The following FAT3 variants were observed in gnomAD, a reference collection of about 807,000 sequenced individuals.
FAT3 encodes protocadherin Fat 3.
In FAT3, 95 loss-of-function variants were observed where a neutral mutation model predicts 310.2. That is an observed-to-expected ratio of 0.31 (90% CI 0.26 to 0.36). The LOEUF (loss-of-function observed/expected upper bound fraction) is 0.36, where lower values mean the gene tolerates loss of function less well. Ranked by LOEUF, FAT3 falls within the 10% of genes least tolerant of loss-of-function variation. FAT3 has a pLI of 1.00. For synonymous variants in FAT3, 2,314 were observed against 2,192.9 expected, an observed-to-expected ratio of 1.06 and a Z score of -1.54; for missense variants, 5,408 against 5,715.6, an observed-to-expected ratio of 0.95 and a Z score of 1.74.
chr11:92,646,121 T>TGA (rs1942157194), intron 3 of FAT3, among the ~76,000 whole-genome samples: 1 of 152,294 alleles, frequency 6.6e-6, no homozygotes, highest in Middle Eastern at 3.4e-3. Flanking sequence ...AGGAATTGGA[T>TGA]GAGAATTCTT....
chr11:92,298,773 A>G (rs1946917008), intron 1 of FAT3, among the ~76,000 whole-genome samples: 3 of 152,068 alleles, frequency 2.0e-5, no homozygotes, highest in South Asian at 4.1e-4. Context: ...AAAGTTGAGT[A>G]TTTTGAACTT....
chr11:92,752,478 TCA>T (rs1221505117), intron 4 of FAT3, among the ~76,000 whole-genome samples: 2 of 152,238 alleles, frequency 1.3e-5, no homozygotes, highest in African/African-American at 2.4e-5. Context: ...GCTCTGCATC[TCA>T]CAGTGAGTAC....
intron 21 of FAT3, among the ~76,000 whole-genome samples, chr11:92,866,182 A>C (rs1186949879): frequency 6.6e-6 from 1 of 152,226 alleles, no homozygotes; most frequent in Non-Finnish European, 1.5e-5. Flanking sequence ...TGGAGCACTC[A>C]TATAAATGTA....
At position 92,540,779 on chromosome 11, in the gene FAT3, T is replaced by TGTTTTG. The variant is rs199555315; in HGVS notation, c.3607+15831_3607+15832insGTTTTG. On this transcript the variant is annotated intron_variant, in intron 3 of 27. Coordinates refer to ENST00000525166, the MANE Select transcript of FAT3 (RefSeq NM_001367949.2). ...TGTTTTGTTTTGTTTTGTTTTGTTT[T>TGTTTTG]TTTTGACACAGATCCCAGTTGCTAA... Among the ~76,000 whole-genome samples the TGTTTTG allele has an allele frequency of 4.8e-3, 172 of 36,204 alleles. 1 individual carries two copies. The highest frequency in any genetic ancestry group is 0.01 in the African/African-American group (157 of 15,512). 23.8% of individuals were successfully genotyped at this position (36,204 alleles called of 152,430 possible).
At chr11:92,416,798 T>C (rs1315050927) in intron 2 of FAT3, among the ~76,000 whole-genome samples, 1 of 152,098 alleles carries the variant, frequency 6.6e-6, no homozygotes, top group Non-Finnish European at 1.5e-5. Flanking sequence ...CAGACAGAAA[T>C]TGGTGGGACT....
rs75966474 is a variant in FAT3 at position 92,296,018 on chromosome 11, A to G, written c.-17-56078A>G. On this transcript the variant is annotated intron_variant, in intron 1 of 27. Coordinates refer to ENST00000525166, the MANE Select transcript of FAT3 (RefSeq NM_001367949.2). ...GCTGTTCTGGTAATTGTGGAGATAGAAGCTAAGACTAGAGGGAGGAGGCCA... is the reference window on the plus strand; with the variant it reads ...GCTGTTCTGGTAATTGTGGAGATAGGAGCTAAGACTAGAGGGAGGAGGCCA... Among the ~76,000 whole-genome samples the G allele has an allele frequency of 2.7e-3, 412 of 152,178 alleles. 6 individuals are homozygous for G. The highest frequency in any genetic ancestry group is 9.2e-3 in the African/African-American group (384 of 41,540).
rs138414023 is a variant in FAT3 at position 92,422,252 on chromosome 11, T to G, written c.3292+66848T>G. Among the ~76,000 whole-genome samples, 25 of 152,298 alleles carry G rather than the reference T, an allele frequency of 1.6e-4. No individual in the cohort carries two copies. The East Asian group carries it at 4.8e-3, about 29-fold the overall frequency. On this transcript the variant is annotated intron_variant, in intron 2 of 27. Coordinates refer to ENST00000525166, the MANE Select transcript of FAT3 (RefSeq NM_001367949.2). ...CTCTTTCCACAACAATTTTTCTCCT[T>G]GTTCAAGTTCCAACTCACTTATTCC...
intron 2 of FAT3, among the ~76,000 whole-genome samples, chr11:92,501,449 T>C (rs985347107): frequency 1.1e-4 from 17 of 152,018 alleles, no homozygotes. Context: ...AGCCTGTAAA[T>C]AGCAAAGCCC....
At chr11:92,756,116 G>A (rs1945983353) in intron 4 of FAT3, among the ~76,000 whole-genome samples, 1 of 152,312 alleles carries the variant, frequency 6.6e-6, no homozygotes, top group Non-Finnish European at 1.5e-5. Flanking sequence ...ACGATAAAGT[G>A]TCAAGGACCA....
rs1255919782 is a variant in FAT3, at chr11:92,511,557, ATGTT to A, written c.3293-13075_3293-13072del. The stretch of plus-strand genomic sequence containing the variant: ...ATAGGATAGAGAAAAGCAAATCAAA[ATGTT>A]TCTTACTAGTGGGGAGCTCACAGTA... On this transcript the variant is annotated intron_variant, in intron 2 of 27. Transcript: ENST00000525166. Among the ~76,000 whole-genome samples, 5 of 152,190 alleles carry A rather than the reference ATGTT, an allele frequency of 3.3e-5. No homozygotes were observed. The East Asian group carries it at 9.6e-4, about 29-fold the overall frequency.
At chr11:92,758,587 G>C (rs901387163) in intron 4 of FAT3, among the ~76,000 whole-genome samples, 1 of 152,212 alleles carries the variant, frequency 6.6e-6, no homozygotes, top group African/African-American at 2.4e-5. Flanking sequence ...AGAGAATCCA[G>C]CCAGATCTTT....
intron 3 of FAT3, among the ~76,000 whole-genome samples, chr11:92,615,791 G>A (rs1196999261): frequency 2.6e-5 from 4 of 152,336 alleles, no homozygotes; most frequent in African/African-American, 9.6e-5. Context: ...GTGGTTTTGA[G>A]TGAGTTTCTT....
At chr11:92,394,689 A>G (rs1280554711) in intron 2 of FAT3, among the ~76,000 whole-genome samples, 3 of 152,050 alleles carry the variant, frequency 2.0e-5, no homozygotes, top group East Asian at 1.9e-4. Context: ...TTATTTATAT[A>G]TATAACAAAA....
intron 3 of FAT3, among the ~76,000 whole-genome samples, chr11:92,690,872 A>G (rs956810804): frequency 3.3e-5 from 5 of 152,366 alleles, no homozygotes; most frequent in African/African-American, 7.2e-5. Context: ...TATAGAAGAC[A>G]TCATAAATGT....
chr11:92,822,254 T>A (rs984560579), intron 13 of FAT3, among the ~76,000 whole-genome samples: 3 of 152,170 alleles, frequency 2.0e-5, no homozygotes, highest in East Asian at 1.9e-4. Flanking sequence ...TTGATCATAG[T>A]GGTTCTTTCG....
chr11:92,557,847 G>A (rs2135459299), intron 3 of FAT3, among the ~76,000 whole-genome samples: 1 of 152,262 alleles, frequency 6.6e-6, no homozygotes, highest in African/African-American at 2.4e-5. Context: ...AATTTAATAA[G>A]GAAAATAAAA....
chr11:92,840,980 A>T (rs1300899645), intron 18 of FAT3, among the ~76,000 whole-genome samples: 1 of 152,222 alleles, frequency 6.6e-6, no homozygotes, highest in African/African-American at 2.4e-5. Flanking sequence ...TTCAGGAAGG[A>T]CATTCCTGTA....
intron 19 of FAT3, among the ~76,000 whole-genome samples, chr11:92,845,383 A>G (rs528831890): frequency 3.9e-5 from 6 of 152,204 alleles, no homozygotes; most frequent in African/African-American, 1.4e-4. Flanking sequence ...GGCCAGAGGC[A>G]GGGAAACAAG....
chr11:92,654,024 T>C (rs1266306905), intron 3 of FAT3, among the ~76,000 whole-genome samples: 1 of 152,202 alleles, frequency 6.6e-6, no homozygotes, highest in African/African-American at 2.4e-5. Flanking sequence ...TAAGGTATTG[T>C]TTATTTCTTT....
Sources: gnomAD v4.1 joint callset for allele counts (sites outside exome capture counted in the v4.1 genomes callset) on GRCh38, gnomAD v4.1.1 for gene constraint, MANE v1.5 for transcripts, NCBI Gene and HGNC (gene_info 2026-07-23, HGNC 2026-07-21) for gene names.